Variants in EML6 observed in about 807,000 individuals in gnomAD.
EML6 encodes echinoderm microtubule-associated protein-like 6.
A neutral mutation model predicts 240.1 loss-of-function variants in EML6; 154 were observed. The observed-to-expected ratio is 0.64, with a 90% confidence interval of 0.56 to 0.73. The LOEUF (loss-of-function observed/expected upper bound fraction) is 0.73, where lower values mean the gene tolerates loss of function less well. Ranked by LOEUF, EML6 falls within the 30% of genes least tolerant of loss-of-function variation. The pLI is 0.00. For synonymous variants in EML6, 1,148 were observed against 899.0 expected, an observed-to-expected ratio of 1.28 and a Z score of -4.95; for missense variants, 2,964 against 2,474.6, an observed-to-expected ratio of 1.20 and a Z score of -4.20.
chr2:54,868,712 G>C (rs2103898027), intron 14 of EML6: 1 of 149,404 alleles, frequency 6.7e-6, no homozygotes, highest in African/African-American at 2.6e-5. Flanking sequence ...CATTAGAGTT[G>C]TTTTCTTTCA....
chr2:54,865,526 T>C (rs1430896076), intron 13 of EML6, among the ~76,000 whole-genome samples: 1 of 152,176 alleles, frequency 6.6e-6, no homozygotes, highest in Non-Finnish European at 1.5e-5. Context: ...ACTTAAACAG[T>C]TTGAATATCC....
rs1367772955 is a variant in EML6 at position 54,934,276 on chromosome 2, G to T, written c.4004+5525G>T. Among the ~76,000 whole-genome samples the T allele has an allele frequency of 2.6e-5, 4 of 152,286 alleles. 1 individual carries two copies. In the East Asian group the frequency reaches 7.7e-4, roughly 29 times the overall value. On this transcript the variant is annotated intron_variant, in intron 28 of 41. Coordinates refer to ENST00000356458, the MANE Select transcript of EML6 (RefSeq NM_001039753.4). Reference sequence around the variant, plus strand: ...AAGTGTCCCAGGTTCCTACTGGGATGTCAGTGATGCCCCTGTATTTTGTCA... The same window carrying T: ...AAGTGTCCCAGGTTCCTACTGGGATTTCAGTGATGCCCCTGTATTTTGTCA...
intron 24 of EML6, among the ~76,000 whole-genome samples, 176 bp downstream of exon 24, chr2:54,903,678 A>G (rs1010646612): frequency 6.6e-6 from 1 of 152,208 alleles, no homozygotes; most frequent in African/African-American, 2.4e-5. Context: ...CATTTTGAAT[A>G]CTTTTTCCAT....
In EML6 at chr2:54,962,798, A is replaced by T. The variant is rs1053403745; in HGVS notation, c.5157+87A>T. 67 of 1,171,872 alleles carry T rather than the reference A, an allele frequency of 5.7e-5. No homozygotes were observed. The Middle Eastern group carries it at 8.5e-4, about 15-fold the overall frequency. The allele number at this position is 1,171,872 out of a possible 1,614,324, so 72.6% of individuals were successfully genotyped here. A position where few individuals can be genotyped will look rare whatever the true frequency, so the allele number is the denominator to read the frequency against. ...AGCGAGGAGAGGCCCAGCCAGCGTC[A>T]TGGCAGAGACGGGGATGGGGCCAGG... On this transcript the variant is annotated intron_variant, in intron 36 of 41. Coordinates refer to ENST00000356458, the MANE Select transcript of EML6 (RefSeq NM_001039753.4).
chr2:54,955,066 A>G (rs1276036154), intron 32 of EML6, among the ~76,000 whole-genome samples: 1 of 152,258 alleles, frequency 6.6e-6, no homozygotes, highest in African/African-American at 2.4e-5. Context: ...AGAGCCTGAC[A>G]GCTTGCAGAC....
At chr2:54,962,462 C>G (rs1057202065) in intron 35 of EML6, 61 bp from the exon 36 acceptor site, 3 of 1,292,504 alleles carry the variant, frequency 2.3e-6, no homozygotes, top group South Asian at 1.6e-5. Flanking sequence ...CTCTAGATAC[C>G]TCATATGAGT....
intron 9 of EML6, among the ~76,000 whole-genome samples, chr2:54,849,460 A>C (rs1669952000): frequency 6.6e-6 from 1 of 152,228 alleles, no homozygotes; most frequent in East Asian, 1.9e-4. Context: ...GGAAGCCCAA[A>C]ATATCATTTA....
intron 2 of EML6, among the ~76,000 whole-genome samples, chr2:54,730,793 T>C (rs184881472): frequency 6.6e-6 from 1 of 152,348 alleles, no homozygotes; most frequent in African/African-American, 2.4e-5. Flanking sequence ...TTGGGTGTAA[T>C]TTATTCTTTC....
At chr2:54,894,271 G>T (rs894959283) in intron 19 of EML6, among the ~76,000 whole-genome samples, 42 of 151,064 alleles carry the variant, frequency 2.8e-4, no homozygotes, top group African/African-American at 1.0e-3. Context: ...AACTAGTACA[G>T]CCAAAAAATT....
intron 17 of EML6, among the ~76,000 whole-genome samples, chr2:54,889,121 T>G (rs1438714708): frequency 6.6e-6 from 1 of 152,228 alleles, no homozygotes; most frequent in African/African-American, 2.4e-5. Context: ...TTCATTTGTG[T>G]CTGTTTCAAG....
At chr2:54,851,684 G>T (rs994977558) in intron 10 of EML6, among the ~76,000 whole-genome samples, 4 of 152,090 alleles carry the variant, frequency 2.6e-5, no homozygotes, top group Admixed American at 1.3e-4. Flanking sequence ...CAAGTCTTTT[G>T]CTTTATCTGT....
In EML6 at chr2:54,952,672, T is replaced by G; in HGVS notation, c.4292T>G (p.Val1431Gly). The change falls in exon 31 of 42, where the codon GTG (valine) becomes GGG (glycine). Residue 1431 changes from valine to glycine, a missense_variant. Transcript: ENST00000356458. ...TVNQHPKYRNVVATSQIGTTP... is the reference protein window; with the variant it reads ...TVNQHPKYRNGVATSQIGTTP... Reference sequence around the variant, plus strand: ...AACCAGCACCCCAAGTACAGAAACGTGGTGGCCACCAGCCAGATAGGTAGG... The same window carrying G: ...AACCAGCACCCCAAGTACAGAAACGGGGTGGCCACCAGCCAGATAGGTAGG... 1.3e-6 allele frequency: 2 copies of G among 1,551,184 alleles called. No homozygotes were observed. The highest frequency in any genetic ancestry group is 8.7e-7 in the Non-Finnish European group (1 of 1,146,778).
chr2:54,936,444 T>A (rs1675139138), intron 28 of EML6, among the ~76,000 whole-genome samples: 1 of 152,204 alleles, frequency 6.6e-6, no homozygotes, highest in African/African-American at 2.4e-5. Context: ...GGGTTGGTCA[T>A]AATGGATATT....
intron 5 of EML6, among the ~76,000 whole-genome samples, chr2:54,823,616 TA>T (rs1408741991): frequency 1.3e-5 from 2 of 151,742 alleles, no homozygotes; most frequent in East Asian, 1.9e-4. Flanking sequence ...CAGCCATGAG[TA>T]AAAAAAACAT....
rs1676491654 is a variant in EML6, at chr2:54,961,191, T to TTTTTTTTTTG, written c.4968+866_4968+867insGTTTTTTTTT. ...GGAAGTTATCAGGAAGTAGTTTTTT[T>TTTTTTTTTTG]TTTTTTTTTTTTGAGACGGAGTCTT... On this transcript the variant is annotated intron_variant, in intron 35 of 41. Coordinates refer to ENST00000356458, the MANE Select transcript of EML6 (RefSeq NM_001039753.4). Among the ~76,000 whole-genome samples, 13 of 111,676 alleles carry TTTTTTTTTTG rather than the reference T, an allele frequency of 1.2e-4. 1 individual carries two copies. The highest frequency in any genetic ancestry group is 2.2e-4 in the Non-Finnish European group (12 of 54,770). 73.3% of individuals were successfully genotyped at this position (111,676 alleles called of 152,430 possible).
rs1327683991 is a variant in EML6, at chr2:54,928,520, C to T, written c.3877+6C>T. ...CGACGTGGAAGAGGATGGAGGTGAGCCCCCCACCTGCCACATGCCTCCTGC... is the reference window on the plus strand; with the variant it reads ...CGACGTGGAAGAGGATGGAGGTGAGTCCCCCACCTGCCACATGCCTCCTGC... On this transcript the variant is annotated splice_donor_region_variant and intron_variant, in intron 27 of 41. Coordinates refer to ENST00000356458, the MANE Select transcript of EML6 (RefSeq NM_001039753.4). The T allele has an allele frequency of 3.9e-6, 6 of 1,542,964 alleles. No homozygotes were observed. Among genetic ancestry groups the T allele is most frequent in the Non-Finnish European group, 4.4e-6 (5 of 1,141,546 alleles).
At chr2:54,937,889 A>G (rs1032727444) in intron 28 of EML6, among the ~76,000 whole-genome samples, 5 of 152,214 alleles carry the variant, frequency 3.3e-5, no homozygotes, top group African/African-American at 1.2e-4. Flanking sequence ...AGTTGGGTCA[A>G]TGAGAATCAA....
intron 28 of EML6, among the ~76,000 whole-genome samples, chr2:54,932,890 T>C (rs898712252): frequency 1.3e-5 from 2 of 152,172 alleles, no homozygotes; most frequent in African/African-American, 2.4e-5. Context: ...TGTTTTTTGA[T>C]TTATAACATA....
intron 2 of EML6, among the ~76,000 whole-genome samples, chr2:54,800,137 C>A (rs1403582882): frequency 6.6e-6 from 1 of 152,076 alleles, no homozygotes; most frequent in African/African-American, 2.4e-5. Flanking sequence ...CCCAGCTACT[C>A]GGGAGGCTGA....
Sources: allele counts gnomAD v4.1 joint callset (sites outside exome capture counted in the v4.1 genomes callset), GRCh38; gene constraint gnomAD v4.1.1; transcripts MANE v1.5; gene names NCBI Gene and HGNC (gene_info 2026-07-23, HGNC 2026-07-21).